The following LMX1B variants were observed in gnomAD, a reference collection of about 807,000 sequenced individuals.
LMX1B encodes the protein LIM homeobox transcription factor 1-beta.
A neutral mutation model predicts 51.4 loss-of-function variants in LMX1B; 12 were observed. That is an observed-to-expected ratio of 0.23 (90% CI 0.15 to 0.38). LMX1B has a LOEUF of 0.38. Ranked by LOEUF, LMX1B falls within the 10% of genes least tolerant of loss-of-function variation. The pLI is 1.00. For missense variants in LMX1B, 445 were observed against 571.1 expected (o/e 0.78, Z 2.25); for synonymous variants, 237 against 235.4 (o/e 1.01, Z -0.06).
intron 2 of LMX1B, among the ~76,000 whole-genome samples, chr9:126,652,296 AG>A (rs3841407): frequency 1.1e-3 from 129 of 120,222 alleles, no homozygotes; most frequent in South Asian, 1.8e-3. Context: ...GAGGAGGAGA[AG>A]GGGGGGGGGA....
intron 2 of LMX1B, among the ~76,000 whole-genome samples, chr9:126,672,046 C>T (rs890340348): frequency 5.3e-5 from 8 of 152,250 alleles, no homozygotes; most frequent in Non-Finnish European, 1.2e-4. Flanking sequence ...CGGGCTCCTT[C>T]CAAGGGGTCA....
rs948460250 is a variant in LMX1B at position 126,614,084 on chromosome 9, A to G, written c.-366A>G. On this transcript the variant is annotated 5_prime_UTR_variant, in exon 1 of 8. Transcript: ENST00000373474. ...CCCGCGGGGCCGCCCCTGCACCCCC[A>G]CCCCCTCCCCCGCCTGCCGCCGCCG... Among the ~76,000 whole-genome samples, 1 of 15,114 alleles carries G rather than the reference A, an allele frequency of 6.6e-5. No individual in the cohort carries two copies. The highest frequency in any genetic ancestry group is 2.5e-4 in the African/African-American group (1 of 3,976). The allele number at this position is 15,114 out of a possible 152,430, so 9.9% of individuals were successfully genotyped here.
In LMX1B at chr9:126,699,133, T is replaced by A. The variant is rs2030451192; in HGVS notation, c.*2682T>A. The A allele has an allele frequency of 6.6e-6, 1 of 152,224 alleles. No homozygotes were observed. The highest frequency in any genetic ancestry group is 2.1e-4 in the South Asian group (1 of 4,826). 9.4% of individuals were successfully genotyped at this position (152,224 alleles called of 1,614,324 possible). A position where few individuals can be genotyped will look rare whatever the true frequency, so the allele number is the denominator to read the frequency against. On this transcript the variant is annotated 3_prime_UTR_variant, in exon 8 of 8. Transcript: ENST00000373474. Reference sequence around the variant, plus strand: ...CCCTATCCCCCAGGAGACCTGGCCCTTCTCTCTCAGACCCAATAAGTTGGA... The same window carrying A: ...CCCTATCCCCCAGGAGACCTGGCCCATCTCTCTCAGACCCAATAAGTTGGA...
intron 3 of LMX1B, 141 bp downstream of exon 3, chr9:126,691,209 A>G: frequency 1.5e-6 from 1 of 645,646 alleles, no homozygotes; most frequent in East Asian, 2.7e-5. Context: ...ATCCAGATGC[A>G]CACGCGCACT....
chr9:126,619,457 G>C (rs1835368632), intron 2 of LMX1B, among the ~76,000 whole-genome samples: 1 of 152,168 alleles, frequency 6.6e-6, no homozygotes, highest in South Asian at 2.1e-4. Context: ...CAACCAGCGA[G>C]CCCCCCTGCC....
chr9:126,634,143 A>G (rs1835675348), intron 2 of LMX1B, among the ~76,000 whole-genome samples: 1 of 152,180 alleles, frequency 6.6e-6, no homozygotes, highest in South Asian at 2.1e-4. Context: ...AGGACTCCAA[A>G]TGAGCAAGAT....
chr9:126,690,727 C>A, intron 2 of LMX1B, 109 bp from the exon 3 acceptor site: 2 of 926,772 alleles, frequency 2.2e-6, no homozygotes, highest in Non-Finnish European at 3.3e-6. Flanking sequence ...CCTCTCCCTC[C>A]CACCTGGGCC....
At chr9:126,690,774 A>G (rs1319944396) in intron 2 of LMX1B, 62 bp from the exon 3 acceptor site, 1 of 1,421,870 alleles carries the variant, frequency 7.0e-7, no homozygotes, top group African/African-American at 1.4e-5. Context: ...GGCCCTCGGC[A>G]GGAGTGGCCT....
chr9:126,657,986 CAG>C (rs1340814265), intron 2 of LMX1B, among the ~76,000 whole-genome samples: 1 of 152,130 alleles, frequency 6.6e-6, no homozygotes, highest in East Asian at 1.9e-4. Context: ...GTCCAGTGAT[CAG>C]AGTTTCCAGA....
chr9:126,632,742 G>A (rs1368851288), intron 2 of LMX1B, among the ~76,000 whole-genome samples: 1 of 152,166 alleles, frequency 6.6e-6, no homozygotes, highest in Non-Finnish European at 1.5e-5. Context: ...CAGCTGCCTG[G>A]CTAAGGCCTT....
At chr9:126,654,367 C>T (rs1007601006) in intron 2 of LMX1B, among the ~76,000 whole-genome samples, 5 of 152,244 alleles carry the variant, frequency 3.3e-5, no homozygotes, top group Admixed American at 2.0e-4. Context: ...TACTCAGCAG[C>T]CTTCCCCAGA....
rs1244832921 is a variant in LMX1B at position 126,618,545 on chromosome 9, A to G, written c.326+2976A>G. Among the ~76,000 whole-genome samples, 1 of 152,154 alleles carries G rather than the reference A, an allele frequency of 6.6e-6. No homozygotes were observed. The highest frequency in any genetic ancestry group is 1.9e-4 in the East Asian group (1 of 5,196). ...GGGGGCTCCTTCAAAAAAAAGAAAA[A>G]GCAGCCTTTTCGGACAGAAAACCAG... is the stretch of plus-strand genomic sequence containing the variant. On this transcript the variant is annotated intron_variant, in intron 2 of 7. Coordinates refer to ENST00000373474, the MANE Select transcript of LMX1B (RefSeq NM_001174147.2). The surrounding 1 kb of genome is among the most constrained non-coding windows in gnomAD (Gnocchi z 4.5).
intron 2 of LMX1B, among the ~76,000 whole-genome samples, chr9:126,650,738 G>A (rs938761820): frequency 7.9e-5 from 12 of 152,224 alleles, no homozygotes; most frequent in African/African-American, 2.9e-4. Flanking sequence ...CCAAGCCGCT[G>A]GAAGTTGTTG....
intron 2 of LMX1B, among the ~76,000 whole-genome samples, chr9:126,663,854 G>A (rs897946709): frequency 2.6e-5 from 4 of 152,262 alleles, no homozygotes; most frequent in African/African-American, 9.6e-5. Context: ...CCCAGACCAG[G>A]CCACCCATGG....
At chr9:126,640,230 TG>T (rs1343877995) in intron 2 of LMX1B, among the ~76,000 whole-genome samples, 2 of 152,132 alleles carry the variant, frequency 1.3e-5, no homozygotes, top group African/African-American at 2.4e-5. Context: ...CCTAGGGAGC[TG>T]GGGCTGAGGT....
chr9:126,642,787 C>T (rs1835832228), intron 2 of LMX1B, among the ~76,000 whole-genome samples: 1 of 152,348 alleles, frequency 6.6e-6, no homozygotes, highest in East Asian at 1.9e-4. Context: ...GACTACCTTT[C>T]TGCTCATTCA....
chr9:126,691,338 A>G (rs2030124338), intron 3 of LMX1B, among the ~76,000 whole-genome samples: 1 of 152,158 alleles, frequency 6.6e-6, no homozygotes, highest in Non-Finnish European at 1.5e-5. Flanking sequence ...ACACAAGCAC[A>G]TAAAATGCAT....
At chr9:126,656,271 C>T (rs61599531) in intron 2 of LMX1B, among the ~76,000 whole-genome samples, 17,656 of 152,152 alleles carry the variant, frequency 0.12, 1,348 homozygotes, top group Middle Eastern at 0.23. Flanking sequence ...ATCTTCAGGC[C>T]GGATGCAGTA....
chr9:126,614,736 G>A (rs2118820507), intron 1 of LMX1B, 148 bp downstream of exon 1: 1 of 888,812 alleles, frequency 1.1e-6, no homozygotes, highest in Non-Finnish European at 1.6e-6. Context: ...TGGAGTGATC[G>A]CCAGAGGGCC....
Sources: allele counts gnomAD v4.1 joint callset (sites outside exome capture counted in the v4.1 genomes callset), GRCh38; gene constraint gnomAD v4.1.1; non-coding constraint Gnocchi (gnomAD v3.1); transcripts MANE v1.5; gene names NCBI Gene and HGNC (gene_info 2026-07-23, HGNC 2026-07-21).